Variants in NOD2 observed in about 807,000 individuals in gnomAD.
NOD2 encodes nucleotide-binding oligomerization domain-containing protein 2.
NOD2 carries 86 observed loss-of-function variants against 90.9 expected under a neutral mutation model. The ratio of observed to expected loss-of-function variants is 0.95; its 90% CI spans 0.79 to 1.13. The LOEUF (loss-of-function observed/expected upper bound fraction) is 1.13. NOD2 is among the 50% of genes most tolerant of loss of function. NOD2 has a pLI of 0.00. For missense variants in NOD2, 1,238 were observed against 1,283.8 expected (o/e 0.96, Z 0.55); for synonymous variants, 581 against 554.6 (o/e 1.05, Z -0.67).
Position 50,711,246 on chromosome 16 carries a change from G to C in NOD2, c.1254G>C (p.Lys418Asn). 6.2e-7 allele frequency: 1 copy of C among 1,614,004 alleles called. No individual in the cohort carries two copies. The highest frequency in any genetic ancestry group is 8.5e-7 in the Non-Finnish European group (1 of 1,180,044). The change falls in exon 4 of 12, where the codon AAG becomes AAC. Residue 418 changes from lysine to asparagine, a missense_variant. Transcript: ENST00000647318. ...RKYIRTEFNL[K>N]GFSEQGIELY... ...ACATCCGCACCGAGTTCAACCTCAAGGGCTTCTCTGAACAGGGCATCGAGC... is the reference window on the plus strand; with the variant it reads ...ACATCCGCACCGAGTTCAACCTCAACGGCTTCTCTGAACAGGGCATCGAGC...
intron 6 of NOD2, 114 bp from the exon 7 acceptor site, chr16:50,719,811 C>T (rs761350806): frequency 2.1e-6 from 2 of 931,662 alleles, no homozygotes; most frequent in South Asian, 1.3e-5. Context: ...TGGCTGCTGC[C>T]TCCCGGGCAG....
At chr16:50,722,513 T>A (rs1596899868) in intron 7 of NOD2, 109 bp from the exon 8 acceptor site, 1 of 1,060,830 alleles carries the variant, frequency 9.4e-7, no homozygotes, top group Admixed American at 1.7e-5. Context: ...GATTGAGTGG[T>A]CCTGCCCCTC....
chr16:50,716,768 G>A, intron 5 of NOD2, 98 bp downstream of exon 5: 1 of 1,483,772 alleles, frequency 6.7e-7, no homozygotes, highest in African/African-American at 1.4e-5. Context: ...CTGGGGCAGG[G>A]GCTGTTTGCA....
intron 10 of NOD2, among the ~76,000 whole-genome samples, chr16:50,729,471 TGAG>T (rs912049756): frequency 3.3e-5 from 5 of 152,126 alleles, no homozygotes; most frequent in Non-Finnish European, 7.4e-5. Context: ...ATTTTACCAA[TGAG>T]GAGATTGGGA....
chr16:50,697,134 G>A, intron 1 of NOD2: 1 of 957,644 alleles, frequency 1.0e-6, no homozygotes, highest in Non-Finnish European at 1.6e-6. Context: ...TTGAAGGTGG[G>A]GTTGGTAGAC....
In NOD2 at chr16:50,732,285, T is replaced by A. The variant is rs188988267; in HGVS notation, c.*466T>A. 5.8e-5 allele frequency: 13 copies of A among 222,820 alleles called. No individual in the cohort carries two copies. The highest frequency in any genetic ancestry group is 2.7e-4 in the African/African-American group (12 of 44,436). 13.8% of individuals were successfully genotyped at this position (222,820 alleles called of 1,614,324 possible). ...GAAGCAGCTTTCCCCATGTCTCGAC[T>A]CATCCATCCAGGCCATTCCCCGTCT... On this transcript the variant is annotated 3_prime_UTR_variant, in exon 12 of 12. Coordinates refer to ENST00000647318, the MANE Select transcript of NOD2 (RefSeq NM_001370466.1).
chr16:50,727,893 C>A, intron 10 of NOD2: 1 of 266,380 alleles, frequency 3.8e-6, no homozygotes, highest in Non-Finnish European at 7.4e-6. Context: ...TGACCATGAC[C>A]TTTTTTTTTT....
At chr16:50,720,574 C>T (rs747890818) in intron 7 of NOD2, among the ~76,000 whole-genome samples, 53 of 152,332 alleles carry the variant, frequency 3.5e-4, no homozygotes, top group Middle Eastern at 3.4e-3. Flanking sequence ...AGTACCCCAA[C>T]CTGCAGCCCC....
chr16:50,729,514 G>A (rs1965379779), intron 10 of NOD2, among the ~76,000 whole-genome samples: 1 of 152,226 alleles, frequency 6.6e-6, no homozygotes, highest in African/African-American at 2.4e-5. Context: ...AAAAGAAGTG[G>A]TGTAGGTGGG....
In NOD2 at chr16:50,710,208, GTGTCAGTAAT is replaced by G. The variant is rs1964395846; in HGVS notation, c.566-349_566-340del. Among the ~76,000 whole-genome samples the G allele has an allele frequency of 3.3e-5, 5 of 152,316 alleles. No homozygotes were observed. The South Asian group carries it at 1.0e-3, about 32-fold the overall frequency. ...TTCCCGTCATCTAGAACTCCTCCTG[GTGTCAGTAAT>G]GATAACGGCAGTCACTGATGTCTTT... On this transcript the variant is annotated intron_variant, in intron 3 of 11. Transcript: ENST00000647318.
At chr16:50,707,808 C>A (rs755467435) in intron 2 of NOD2, 47 bp from the exon 3 acceptor site, 1 of 1,310,074 alleles carries the variant, frequency 7.6e-7, no homozygotes, top group Non-Finnish European at 1.1e-6. Context: ...TCCCACATTG[C>A]TCCATCAGCC....
chr16:50,709,714 A>G (rs138660655), intron 3 of NOD2, among the ~76,000 whole-genome samples: 3 of 152,220 alleles, frequency 2.0e-5, no homozygotes, highest in Non-Finnish European at 4.4e-5. Context: ...TAACTTTATC[A>G]CATCTCAGAG....
chr16:50,708,165 A>G (rs1313295310), intron 3 of NOD2, among the ~76,000 whole-genome samples: 2 of 152,216 alleles, frequency 1.3e-5, no homozygotes, highest in African/African-American at 2.4e-5. Context: ...AATGTTAGCT[A>G]TTAGCTTTCA....
Position 50,711,912 on chromosome 16 carries a change from GCCGCACAA to G in NOD2, c.1923_1930del (p.His642SerfsTer21), listed in dbSNP as rs1316889811. On this transcript the variant is annotated frameshift_variant, in exon 4 of 12. Transcript: ENST00000647318. LOFTEE classifies it high-confidence loss of function. ...TGGCAGCTTTGCTGCAGAAGGCCGA[GCCGCACAA>G]CCTTCAGATCACAGCAGCCTTCCTG... The G allele has an allele frequency of 6.2e-7, 1 of 1,608,658 alleles. No homozygotes were observed. Among genetic ancestry groups the G allele is most frequent in the Non-Finnish European group, 8.5e-7 (1 of 1,176,012 alleles).
At chr16:50,697,749 A>C in intron 1 of NOD2, 2 of 293,818 alleles carry the variant, frequency 6.8e-6, no homozygotes, top group South Asian at 3.1e-5. Context: ...CACACAAGTA[A>C]CCTCATTGCC....
At position 50,729,848 on chromosome 16, in the gene NOD2, G is replaced by A. The variant is rs1965391962; in HGVS notation, c.2916G>A (p.Gly972=). The A allele has an allele frequency of 1.9e-6, 3 of 1,613,128 alleles. No individual in the cohort carries two copies. The highest frequency in any genetic ancestry group is 2.5e-6 in the Non-Finnish European group (3 of 1,179,278). Residue 972 remains glycine, a synonymous_variant, in exon 11 of 12, where the codon GGG becomes GGA. Coordinates refer to ENST00000647318, the MANE Select transcript of NOD2 (RefSeq NM_001370466.1). Reference sequence around the variant, plus strand: ...CCAATAACTGCATCACCTACCTAGGGGCAGAAGCCCTCCTGCAGGCCCTTG... The same window carrying A: ...CCAATAACTGCATCACCTACCTAGGAGCAGAAGCCCTCCTGCAGGCCCTTG... The part of the protein sequence containing the change: ...KLSNNCITYL[G]AEALLQALER...
At chr16:50,714,608 G>C in intron 4 of NOD2, among the ~76,000 whole-genome samples, 1 of 146,512 alleles carries the variant, frequency 6.8e-6, no homozygotes, top group Non-Finnish European at 1.5e-5. Flanking sequence ...TGCACTGTGT[G>C]TGTGTGTGTG....
In NOD2 at chr16:50,720,008, G is replaced by C; in HGVS notation, c.2633G>C (p.Gly878Ala). 1 of 1,613,874 alleles carries C rather than the reference G, an allele frequency of 6.2e-7. No individual in the cohort carries two copies. The highest frequency in any genetic ancestry group is 8.5e-7 in the Non-Finnish European group (1 of 1,179,762). ...LRGNTSLQFL[G>A]FWGNRVGDEG... Reference sequence around the variant, plus strand: ...GGCAACACCTCCTTGCAGTTCCTGGGGTAGGTTGGATTCCAGGAAGAGGGA... The same window carrying C: ...GGCAACACCTCCTTGCAGTTCCTGGCGTAGGTTGGATTCCAGGAAGAGGGA... Residue 878 changes from glycine to alanine, a missense_variant and splice_region_variant, in exon 7 of 12, where the codon GGA (glycine) becomes GCA (alanine). Physicochemically the swap from Gly to Ala is moderately conservative, Grantham distance 60 (BLOSUM62 0). Around this residue, in one of 3 missense-constraint regions of NOD2, gnomAD observed 667 missense variants for 688.7 expected, o/e 0.97. Coordinates refer to ENST00000647318, the MANE Select transcript of NOD2 (RefSeq NM_001370466.1).
chr16:50,709,968 G>C (rs1827250700), intron 3 of NOD2: 2 of 455,902 alleles, frequency 4.4e-6, no homozygotes, highest in Non-Finnish European at 8.8e-6. Flanking sequence ...GCCCAGAAAG[G>C]CTAAATGGCT....
Sources: gnomAD v4.1 joint callset for allele counts (sites outside exome capture counted in the v4.1 genomes callset) on GRCh38, gnomAD v4.1.1 for gene constraint, gnomAD v4.1.1 regional missense constraint, MANE v1.5 for transcripts, NCBI Gene and HGNC (gene_info 2026-07-23, HGNC 2026-07-21) for gene names.